Variants in KLHL24 observed in about 807,000 individuals in gnomAD.
The protein encoded by KLHL24 is kelch-like protein 24.
KLHL24 carries 29 observed loss-of-function variants against 53.4 expected under a neutral mutation model. The observed-to-expected ratio is 0.54, with a 90% confidence interval of 0.40 to 0.74. KLHL24 has a LOEUF of 0.74. KLHL24 is among the 30% of genes least tolerant of loss of function. The pLI, the probability that KLHL24 is intolerant of heterozygous loss-of-function variation, is 0.00. For missense variants in KLHL24, 504 were observed against 744.0 expected, an observed-to-expected ratio of 0.68 and a Z score of 3.75; for synonymous variants, 222 against 253.7, an observed-to-expected ratio of 0.88 and a Z score of 1.19.
rs1712687867 is a variant in KLHL24, at chr3:183,681,670, AG to A, written c.*2385del. 1 of 152,284 alleles carries A rather than the reference AG, an allele frequency of 6.6e-6. No homozygotes were observed. The highest frequency in any genetic ancestry group is 1.5e-5 in the Non-Finnish European group (1 of 67,870). 9.4% of individuals were successfully genotyped at this position (152,284 alleles called of 1,614,324 possible). ...AGAAAATTTAAATAACTATTTTTAA[AG>A]TTACCCAACTTAATATTTTAATTTT... On this transcript the variant is annotated 3_prime_UTR_variant, in exon 8 of 8. Coordinates refer to ENST00000242810, the MANE Select transcript of KLHL24 (RefSeq NM_017644.3).
At position 183,671,046 on chromosome 3, in the gene KLHL24, G is replaced by A. The variant is rs1416650091; in HGVS notation, c.1237G>A (p.Gly413Ser). The change falls in exon 6 of 8, where the codon GGT becomes AGT. Residue 413 changes from glycine to serine, a missense_variant. Coordinates refer to ENST00000242810, the MANE Select transcript of KLHL24 (RefSeq NM_017644.3). ...AVLLGKVYVV[G>S]GYDGQNRLSS... ...ATTTTACATATAGGTATATGTTGTC[G>A]GTGGCTATGATGGGCAAAACAGACT... The A allele has an allele frequency of 2.5e-6, 4 of 1,611,652 alleles. No homozygotes were observed. Among genetic ancestry groups the A allele is most frequent in the South Asian group, 1.1e-5 (1 of 90,932 alleles).
rs1712960527 is a variant in KLHL24 at position 183,684,126 on chromosome 3, TCAGG to T, written c.*4842_*4845del. ...TACTTATGTACAATTTTTTCCCTCT[TCAGG>T]CTTTTTCATTTACCTTTTTGAAAAA... On this transcript the variant is annotated 3_prime_UTR_variant, in exon 8 of 8. Coordinates refer to ENST00000242810, the MANE Select transcript of KLHL24 (RefSeq NM_017644.3). The T allele has an allele frequency of 7.5e-6, 1 of 133,854 alleles. No individual in the cohort carries two copies. Among genetic ancestry groups the T allele is most frequent in the Non-Finnish European group, 1.5e-5 (1 of 65,812 alleles). 8.3% of individuals were successfully genotyped at this position (133,854 alleles called of 1,614,324 possible).
chr3:183,645,587 CATTT>C (rs1477788880), intron 2 of KLHL24, among the ~76,000 whole-genome samples: 1 of 151,922 alleles, frequency 6.6e-6, no homozygotes, highest in Non-Finnish European at 1.5e-5. Context: ...GGAAGAAATC[CATTT>C]TTTTTTAGTT....
chr3:183,649,212 T>G (rs1717768780), intron 2 of KLHL24, among the ~76,000 whole-genome samples: 1 of 152,218 alleles, frequency 6.6e-6, no homozygotes. Flanking sequence ...AGAAGATAAA[T>G]AAAACATTTT....
chr3:183,644,689 AAGAC>A (rs1407696279), intron 2 of KLHL24, among the ~76,000 whole-genome samples: 5 of 152,240 alleles, frequency 3.3e-5, no homozygotes, highest in African/African-American at 1.2e-4. Flanking sequence ...ATAGCATAAA[AAGAC>A]AGACCCTTAA....
intron 1 of KLHL24, 81 bp downstream of exon 1, chr3:183,635,874 G>C (rs1715032358): frequency 6.6e-6 from 1 of 152,558 alleles, no homozygotes; most frequent in Non-Finnish European, 1.5e-5. Flanking sequence ...AGCCAGCGGC[G>C]GCCGGCCTCT....
rs554222232 is a variant in KLHL24 at position 183,655,987 on chromosome 3, T to C, written c.920+4711T>C. Among the ~76,000 whole-genome samples, 13 of 151,380 alleles carry C rather than the reference T, an allele frequency of 8.6e-5. No homozygotes were observed. In the East Asian group the frequency reaches 2.5e-3, roughly 29 times the overall value. On this transcript the variant is annotated intron_variant, in intron 3 of 7. Coordinates refer to ENST00000242810, the MANE Select transcript of KLHL24 (RefSeq NM_017644.3). ...TTGACATTCTGCAAAAATGCTGATA[T>C]TATATAACTGCACTACATCCTCTGC...
intron 3 of KLHL24, among the ~76,000 whole-genome samples, chr3:183,652,101 G>A (rs1028617276): frequency 6.6e-6 from 1 of 152,138 alleles, no homozygotes; most frequent in Non-Finnish European, 1.5e-5. Context: ...AATTGTCACA[G>A]TTATTATATT....
intron 2 of KLHL24, among the ~76,000 whole-genome samples, chr3:183,648,014 GCAAAAA>G (rs978056716): frequency 2.2e-4 from 33 of 152,092 alleles, no homozygotes; most frequent in Admixed American, 2.0e-3. Flanking sequence ...TCTCAAAAAA[GCAAAAA>G]CAAAAACAAA....
rs35862164 is a variant in KLHL24, at chr3:183,649,736, TA to T, written c.-61-549del. Among the ~76,000 whole-genome samples the T allele has an allele frequency of 2.9e-4, 43 of 145,820 alleles. 1 individual carries two copies. The highest frequency in any genetic ancestry group is 6.8e-4 in the Admixed American group (10 of 14,610). ...TTCAAGATCCCATCTCTACAAAAAG[TA>T]AAAAAAAAAATAGCCAGGCATGGTG... On this transcript the variant is annotated intron_variant, in intron 2 of 7. Coordinates refer to ENST00000242810, the MANE Select transcript of KLHL24 (RefSeq NM_017644.3).
intron 3 of KLHL24, among the ~76,000 whole-genome samples, chr3:183,657,555 C>G (rs9871026): frequency 0.34 from 50,929 of 152,026 alleles, 9,387 homozygotes; most frequent in African/African-American, 0.49. Context: ...TGGTGTTTGT[C>G]ATTATTTAAT....
At chr3:183,668,878 C>CG (rs1205355220) in intron 5 of KLHL24, among the ~76,000 whole-genome samples, 1 of 151,602 alleles carries the variant, frequency 6.6e-6, no homozygotes, top group East Asian at 1.9e-4. Flanking sequence ...AGCCCGGTGA[C>CG]AGAGTGAGAC....
At chr3:183,652,360 T>C (rs910071379) in intron 3 of KLHL24, among the ~76,000 whole-genome samples, 1 of 152,212 alleles carries the variant, frequency 6.6e-6, no homozygotes, top group African/African-American at 2.4e-5. Flanking sequence ...AAATGCTTGT[T>C]ATGAGAAATA....
intron 3 of KLHL24, among the ~76,000 whole-genome samples, chr3:183,655,565 G>T (rs1008746938): frequency 1.3e-5 from 2 of 152,072 alleles, no homozygotes; most frequent in African/African-American, 4.8e-5. Flanking sequence ...GGAGTTTGGG[G>T]TTACAGTGAG....
chr3:183,651,413 A>G (rs1718099762), intron 3 of KLHL24, 137 bp downstream of exon 3: 4 of 627,834 alleles, frequency 6.4e-6, no homozygotes, highest in Non-Finnish European at 1.1e-5. Context: ...ATTTTGGATT[A>G]TATGTCACTA....
At position 183,681,890 on chromosome 3, in the gene KLHL24, G is replaced by C. The variant is rs568190826; in HGVS notation, c.*2604G>C. The C allele has an allele frequency of 8.0e-3, 1,222 of 152,500 alleles. 13 individuals carry two copies. The highest frequency in any genetic ancestry group is 0.028 in the African/African-American group (1,173 of 41,530). The allele number at this position is 152,500 out of a possible 1,614,324, so 9.4% of individuals were successfully genotyped here. On this transcript the variant is annotated 3_prime_UTR_variant, in exon 8 of 8. Transcript: ENST00000242810. The stretch of plus-strand genomic sequence containing the variant: ...GATGCTCATATGAACCTTTGGTTTA[G>C]AATCTATATATGTACATGTGTATGT...
chr3:183,661,295 A>G (rs1364155089), intron 3 of KLHL24, among the ~76,000 whole-genome samples: 1 of 152,080 alleles, frequency 6.6e-6, no homozygotes, highest in African/African-American at 2.4e-5. Context: ...TTCACTCTCT[A>G]GAAATAGATT....
chr3:183,637,488 T>C (rs1462177939), intron 1 of KLHL24, among the ~76,000 whole-genome samples: 1 of 152,250 alleles, frequency 6.6e-6, no homozygotes, highest in African/African-American at 2.4e-5. Flanking sequence ...GTTTTAAAAT[T>C]GTACATTAAG....
At position 183,637,985 on chromosome 3, in the gene KLHL24, G is replaced by A. The variant is rs138058922; in HGVS notation, c.-125+2192G>A. On this transcript the variant is annotated intron_variant, in intron 1 of 7. Transcript: ENST00000242810. ...AGACAATACATTTTTGTAGAAGGAA[G>A]TTTGAGCTCCCCTGGATGAAGCAGG... Among the ~76,000 whole-genome samples, 73 of 152,298 alleles carry A rather than the reference G, an allele frequency of 4.8e-4. No homozygotes were observed. In the East Asian group the frequency reaches 0.012, roughly 26 times the overall value.
Sources: gnomAD v4.1 joint callset for allele counts (sites outside exome capture counted in the v4.1 genomes callset) on GRCh38, gnomAD v4.1.1 for gene constraint, MANE v1.5 for transcripts, NCBI Gene and HGNC (gene_info 2026-07-23, HGNC 2026-07-21) for gene names.